PTK2: variants seen among roughly 807,000 people sequenced by gnomAD.
PTK2 encodes protein tyrosine kinase 2.
In PTK2, 45 loss-of-function variants were observed where a neutral mutation model predicts 150.1. The ratio of observed to expected loss-of-function variants is 0.30; its 90% CI spans 0.24 to 0.38. PTK2 has a LOEUF of 0.38. Among genes scored for constraint, PTK2 ranks in the 10% least tolerant of loss-of-function variants. The probability of loss-of-function intolerance (pLI) is 1.00; values close to 1 mark genes in which losing one functional copy is unlikely to be tolerated. For synonymous variants in PTK2, 432 were observed against 449.2 expected (o/e 0.96, Z 0.48); for missense variants, 919 against 1,307.3 (o/e 0.70, Z 4.58).
intron 22 of PTK2, among the ~76,000 whole-genome samples, chr8:140,725,126 T>C (rs2100044987): frequency 6.6e-6 from 1 of 151,768 alleles, no homozygotes; most frequent in Admixed American, 6.6e-5. Flanking sequence ...CCACTAAGAC[T>C]GTACCTTTAT....
intron 17 of PTK2, chr8:140,751,924 G>A (rs1466968943): frequency 1.8e-6 from 1 of 546,864 alleles, no homozygotes; most frequent in Non-Finnish European, 3.6e-6. Flanking sequence ...TGGGGTCTGG[G>A]CAGCATCAAC....
rs893311663 is a variant in PTK2, at chr8:140,881,878, C to G, written c.196-2241G>C. On this transcript the variant is annotated intron_variant, in intron 3 of 31. Coordinates refer to ENST00000522684, the Ensembl canonical transcript of PTK2. ...GGCAGGTTTCTGTCTTGGAGTTTCA[C>G]GTAAGAGAGAGAATCTTATTCCATT... Among the ~76,000 whole-genome samples, 4 of 152,120 alleles carry G rather than the reference C, an allele frequency of 2.6e-5. No homozygotes were observed. In the East Asian group the frequency reaches 7.7e-4, roughly 29 times the overall value.
chr8:140,980,156 C>T (rs2100190871), intron 1 of PTK2, among the ~76,000 whole-genome samples: 1 of 152,150 alleles, frequency 6.6e-6, no homozygotes, highest in South Asian at 2.1e-4. Context: ...GTTTGCAGTA[C>T]AGCAAGAGAC....
intron 1 of PTK2, among the ~76,000 whole-genome samples, chr8:140,969,947 G>A (rs1213857027): frequency 6.6e-6 from 1 of 152,248 alleles, no homozygotes; most frequent in Non-Finnish European, 1.5e-5. Context: ...ACTCGTGCAA[G>A]ACTGGTAAGA....
At chr8:140,833,797 A>G (rs2100116989) in intron 7 of PTK2, among the ~76,000 whole-genome samples, 2 of 152,210 alleles carry the variant, frequency 1.3e-5, no homozygotes, top group Non-Finnish European at 2.9e-5. Context: ...AACTCATGTA[A>G]TAAAAAACTA....
At chr8:140,943,524 C>A (rs185719568) in intron 1 of PTK2, among the ~76,000 whole-genome samples, 1 of 151,782 alleles carries the variant, frequency 6.6e-6, no homozygotes, top group African/African-American at 2.4e-5. Flanking sequence ...ACGAATAAAG[C>A]TGCTATAAAT....
At chr8:140,763,310 A>G (rs922596309) in intron 15 of PTK2, among the ~76,000 whole-genome samples, 11 of 152,220 alleles carry the variant, frequency 7.2e-5, no homozygotes, top group Admixed American at 4.6e-4. Context: ...AATATTTACA[A>G]GAATATTTAT....
chr8:140,929,657 C>A (rs1368042653), intron 1 of PTK2, among the ~76,000 whole-genome samples: 3 of 152,078 alleles, frequency 2.0e-5, no homozygotes, highest in African/African-American at 7.2e-5. Flanking sequence ...AAGCCCAAAT[C>A]ATCTTTTCCA....
At chr8:140,977,733 A>C (rs2100189818) in intron 1 of PTK2, among the ~76,000 whole-genome samples, 1 of 152,206 alleles carries the variant, frequency 6.6e-6, no homozygotes. Flanking sequence ...AACTAAATAA[A>C]AATACTTCAC....
At chr8:140,890,264 A>G in intron 3 of PTK2, 1 of 349,810 alleles carries the variant, frequency 2.9e-6, no homozygotes, top group South Asian at 5.3e-5. Context: ...CTCATCCAAG[A>G]GTTAAAAAAA....
chr8:140,844,755 G>T (rs1362956095), intron 7 of PTK2, among the ~76,000 whole-genome samples: 2 of 151,984 alleles, frequency 1.3e-5, no homozygotes, highest in African/African-American at 4.8e-5. Flanking sequence ...CTAAGCACAG[G>T]GTACCATAAG....
At chr8:140,842,594 A>G (rs1254113388) in intron 7 of PTK2, among the ~76,000 whole-genome samples, 1 of 152,106 alleles carries the variant, frequency 6.6e-6, no homozygotes, top group Non-Finnish European at 1.5e-5. Flanking sequence ...GGCAAATAGA[A>G]TAGTCAAGGT....
chr8:140,680,093 G>C lies in PTK2; in HGVS notation c.2563-4594C>G, dbSNP rs2100016170. Among the ~76,000 whole-genome samples the C allele has an allele frequency of 2.6e-5, 4 of 152,180 alleles. No individual in the cohort carries two copies. The South Asian group carries it at 8.3e-4, about 32-fold the overall frequency. ...ATGACGACAGTACCCGATGTGTCAA[G>C]AGTGATGCGACACAGTACCTTGTAG... On this transcript the variant is annotated intron_variant, in intron 27 of 31. Transcript: ENST00000522684.
At chr8:140,711,889 T>C (rs1012259624) in intron 23 of PTK2, among the ~76,000 whole-genome samples, 2 of 152,240 alleles carry the variant, frequency 1.3e-5, no homozygotes, top group Non-Finnish European at 2.9e-5. Context: ...CATTGATATT[T>C]TGAAATTGCT....
chr8:140,752,269 A>G, exon 17 of PTK2: 2 of 1,614,144 alleles, frequency 1.2e-6, no homozygotes, highest in Admixed American at 1.7e-5. Context: ...CGCTGTCCGA[A>G]GTACAGTTTT....
chr8:140,955,889 T>C (rs755392302), intron 1 of PTK2, among the ~76,000 whole-genome samples: 1 of 152,188 alleles, frequency 6.6e-6, no homozygotes, highest in African/African-American at 2.4e-5. Context: ...CTATCTACGA[T>C]GCAGCTAAAG....
intron 27 of PTK2, among the ~76,000 whole-genome samples, chr8:140,684,578 T>C (rs2100018753): frequency 6.6e-6 from 1 of 152,208 alleles, no homozygotes; most frequent in African/African-American, 2.4e-5. Flanking sequence ...AACATCCAGT[T>C]GAGTGCCGAA....
At chr8:140,993,083 C>G (rs755176970) in intron 1 of PTK2, among the ~76,000 whole-genome samples, 4 of 152,188 alleles carry the variant, frequency 2.6e-5, no homozygotes, top group Non-Finnish European at 5.9e-5. Flanking sequence ...TCAATTCCTA[C>G]AAGATTGATT....
At position 140,697,852 on chromosome 8, in the gene PTK2, G is replaced by GTT. The variant is rs71308981; in HGVS notation, c.2499+3037_2499+3038dup. On this transcript the variant is annotated intron_variant, in intron 26 of 31. Coordinates refer to ENST00000522684, the Ensembl canonical transcript of PTK2. ...GATCCTCCTCCCTTTAGGGTTTACT[G>GTT]TTTTTTTTTTTTTTTTTTTTTTTTT... Among the ~76,000 whole-genome samples the GTT allele has an allele frequency of 2.5e-4, 12 of 48,026 alleles. No individual in the cohort carries two copies. In the East Asian group the frequency reaches 2.7e-3, roughly 11 times the overall value. 31.5% of individuals were successfully genotyped at this position (48,026 alleles called of 152,430 possible). A position where few individuals can be genotyped will look rare whatever the true frequency, so the allele number is the denominator to read the frequency against.
Sources: allele counts gnomAD v4.1 joint callset (sites outside exome capture counted in the v4.1 genomes callset), GRCh38; gene constraint gnomAD v4.1.1; transcripts MANE v1.5; gene names NCBI Gene and HGNC (gene_info 2026-07-23, HGNC 2026-07-21).